Variants in GLB1L2 observed in about 807,000 individuals in gnomAD.
GLB1L2 encodes the protein galactosidase beta 1 like 2, also known as beta-galactosidase-1-like protein 2.
In GLB1L2, 68 loss-of-function variants were observed where a neutral mutation model predicts 84.1. That is an observed-to-expected ratio of 0.81 (90% CI 0.67 to 0.99). GLB1L2 has a LOEUF of 0.99. GLB1L2 is among the 50% of genes least tolerant of loss of function. GLB1L2 has a pLI of 0.00. For synonymous variants in GLB1L2, 290 were observed against 318.0 expected (o/e 0.91, Z 0.94); for missense variants, 762 against 805.6 (o/e 0.95, Z 0.66).
chr11:134,342,559 C>G (rs1170312441), intron 1 of GLB1L2, among the ~76,000 whole-genome samples, 195 bp from the exon 2 acceptor site: 1 of 152,212 alleles, frequency 6.6e-6, no homozygotes, highest in Non-Finnish European at 1.5e-5. Context: ...CTCGGCCTGC[C>G]CTTCCCCTGC....
intron 18 of GLB1L2, 49 bp downstream of exon 18, chr11:134,374,767 G>A: frequency 6.8e-7 from 1 of 1,473,674 alleles, no homozygotes; most frequent in Non-Finnish European, 9.5e-7. Context: ...CTGCCCACCT[G>A]CCGTCCCAGG....
chr11:134,366,742 TG>T (rs1203517431), intron 8 of GLB1L2, among the ~76,000 whole-genome samples: 2 of 152,130 alleles, frequency 1.3e-5, no homozygotes, highest in African/African-American at 4.8e-5. Context: ...TGTAAGGCCC[TG>T]ATTTTCTGGT....
chr11:134,350,161 G>C (rs1943606675), intron 5 of GLB1L2, among the ~76,000 whole-genome samples: 1 of 152,188 alleles, frequency 6.6e-6, no homozygotes, highest in South Asian at 2.1e-4. Flanking sequence ...TAGTACACTG[G>C]CTGTAAGCTC....
chr11:134,358,963 CCTT>C (rs1416931705), intron 6 of GLB1L2, 94 bp from the exon 7 acceptor site: 2 of 807,098 alleles, frequency 2.5e-6, no homozygotes, highest in Non-Finnish European at 3.9e-6. Flanking sequence ...TGTCATCTCT[CCTT>C]CTAGCTCTTC....
At chr11:134,335,229 C>CTTA (rs1943365674) in intron 1 of GLB1L2, among the ~76,000 whole-genome samples, 1 of 148,910 alleles carries the variant, frequency 6.7e-6, no homozygotes, top group East Asian at 2.0e-4. Flanking sequence ...ATGCAGGTCA[C>CTTA]TTTTTTTTTT....
chr11:134,334,714 A>G lies in GLB1L2; in HGVS notation c.86+2567A>G, dbSNP rs906898911. Reference sequence around the variant, plus strand: ...GATCTGTTGCTTTCCGACACGATATATTGGTTTGCATTTTCTAGTGTTTTA... The same window carrying G: ...GATCTGTTGCTTTCCGACACGATATGTTGGTTTGCATTTTCTAGTGTTTTA... On this transcript the variant is annotated intron_variant, in intron 1 of 18. Transcript: ENST00000535456. The surrounding 1 kb of genome is among the most constrained non-coding windows in gnomAD (Gnocchi z 4.1). 1.3e-5 allele frequency among the ~76,000 whole-genome samples: 2 copies of G among 151,968 alleles called. No individual in the cohort carries two copies. The highest frequency in any genetic ancestry group is 4.8e-5 in the African/African-American group (2 of 41,334).
At chr11:134,347,540 G>A (rs956204116) in intron 5 of GLB1L2, 107 bp downstream of exon 5, 25 of 768,526 alleles carry the variant, frequency 3.3e-5, no homozygotes, top group South Asian at 1.6e-4. Context: ...TTGAACACAC[G>A]AGCAGGCTCT....
At position 134,345,437 on chromosome 11, in the gene GLB1L2, C is replaced by T. The variant is rs574956650; in HGVS notation, c.449+308C>T. ...TGAGTCCTGGCAGGTCATTCACCTG[C>T]GTGTCTGCAGTATGGGAAAAATCCG... is the stretch of plus-strand genomic sequence containing the variant. On this transcript the variant is annotated intron_variant, in intron 4 of 18. Coordinates refer to ENST00000535456, the MANE Select transcript of GLB1L2 (RefSeq NM_001370461.1). Among the ~76,000 whole-genome samples, 19 of 152,288 alleles carry T rather than the reference C, an allele frequency of 1.2e-4. No individual in the cohort carries two copies. The South Asian group carries it at 2.9e-3, about 23-fold the overall frequency.
At chr11:134,333,929 C>T (rs1039432973) in intron 1 of GLB1L2, among the ~76,000 whole-genome samples, 7 of 152,138 alleles carry the variant, frequency 4.6e-5, no homozygotes, top group South Asian at 2.1e-4. Flanking sequence ...AGTTCAGGGC[C>T]GTGTCTTCAG....
intron 7 of GLB1L2, among the ~76,000 whole-genome samples, chr11:134,363,145 G>T (rs1943820042): frequency 6.6e-6 from 1 of 152,214 alleles, no homozygotes; most frequent in Admixed American, 6.5e-5. Context: ...GGCTTGAGGG[G>T]AGGGGTCTGG....
At chr11:134,340,684 A>G in intron 1 of GLB1L2, among the ~76,000 whole-genome samples, 1 of 152,226 alleles carries the variant, frequency 6.6e-6, no homozygotes, top group East Asian at 1.9e-4. Context: ...TTTCTGGGAG[A>G]GGGCAGATCG....
At chr11:134,356,414 T>G in intron 6 of GLB1L2, 21 bp downstream of exon 6, 1 of 1,540,492 alleles carries the variant, frequency 6.5e-7, no homozygotes. Context: ...TCTTAGTGCG[T>G]TTCTTTAGAT....
Position 134,371,456 on chromosome 11 carries a change from C to A in GLB1L2, c.1392C>A (p.Asp464Glu). The A allele has an allele frequency of 6.2e-7, 1 of 1,601,900 alleles. No individual in the cohort carries two copies. Among genetic ancestry groups the A allele is most frequent in the Non-Finnish European group, 8.6e-7 (1 of 1,168,812 alleles). Residue 464 changes from aspartate (D) to glutamate (E), a missense_variant, in exon 14 of 19, where the codon GAC (aspartate) becomes GAA (glutamate). This residue lies in a region of GLB1L2 where 603 missense variants were observed against 611.7 expected (regional missense o/e 0.99). Coordinates refer to ENST00000535456, the MANE Select transcript of GLB1L2 (RefSeq NM_001370461.1). ...ACACAGTATCCATAGGATTCTTGGA[C>A]TACAAGACAACGAAGATTGCTGTCC... ...FVNTVSIGFL[D>E]YKTTKIAVPL... is the part of the protein sequence containing the mutation.
At chr11:134,374,774 C>T (rs1371195346) in intron 18 of GLB1L2, 56 bp downstream of exon 18, 12 of 1,445,830 alleles carry the variant, frequency 8.3e-6, no homozygotes, top group Non-Finnish European at 1.2e-5. Flanking sequence ...CCTGCCGTCC[C>T]AGGGAGCCTT....
Position 134,356,299 on chromosome 11 carries a change from A to G in GLB1L2, c.559-2A>G, listed in dbSNP as rs766277755. The G allele has an allele frequency of 6.2e-7, 1 of 1,613,370 alleles. No individual in the cohort carries two copies. The highest frequency in any genetic ancestry group is 1.1e-5 in the South Asian group (1 of 91,064). On this transcript the variant is annotated splice_acceptor_variant, in intron 5 of 18. Transcript: ENST00000535456. LOFTEE classifies it high-confidence loss of function. The stretch of plus-strand genomic sequence containing the variant: ...TCCTGGTTTTCTGTCTTTTCTCCGC[A>G]GTACAAGCGTGGGGGACCTATCATT...
Position 134,334,179 on chromosome 11 carries a change from G to A in GLB1L2, c.86+2032G>A, listed in dbSNP as rs923223978. Among the ~76,000 whole-genome samples, 6 of 152,160 alleles carry A rather than the reference G, an allele frequency of 3.9e-5. No individual in the cohort carries two copies. Among genetic ancestry groups the A allele is most frequent in the African/African-American group, 1.4e-4 (6 of 41,436 alleles). ...CCTCTCCCAGCTGTTACTGGGCAGT[G>A]TTGAGGTGGCCAGTGGAATATAGGT... On this transcript the variant is annotated intron_variant, in intron 1 of 18. Coordinates refer to ENST00000535456, the MANE Select transcript of GLB1L2 (RefSeq NM_001370461.1). This position sits in a 1 kb window ranked among gnomAD's most constrained non-coding sequence, Gnocchi z 4.1.
intron 6 of GLB1L2, 48 bp from the exon 7 acceptor site, chr11:134,359,012 G>A: frequency 1.4e-6 from 2 of 1,385,224 alleles, no homozygotes; most frequent in African/African-American, 1.4e-5. Context: ...CACTGCAGAA[G>A]CTCTAAGGAG....
chr11:134,371,378 C>CCT (rs760783179), intron 13 of GLB1L2, 43 bp from the exon 14 acceptor site: 1 of 1,314,646 alleles, frequency 7.6e-7, no homozygotes, highest in Non-Finnish European at 1.1e-6. Flanking sequence ...CGCTTACCCT[C>CCT]CTCCTGTTGG....
At chr11:134,341,442 C>T (rs1377864316) in intron 1 of GLB1L2, among the ~76,000 whole-genome samples, 1 of 152,174 alleles carries the variant, frequency 6.6e-6, no homozygotes, top group Admixed American at 6.5e-5. Flanking sequence ...TTCCAGCTAG[C>T]GTTTTTGCTG....
Sources: gnomAD v4.1 joint callset for allele counts (sites outside exome capture counted in the v4.1 genomes callset) on GRCh38, gnomAD v4.1.1 for gene constraint, gnomAD v4.1.1 regional missense constraint, Gnocchi (gnomAD v3.1) non-coding constraint, MANE v1.5 for transcripts, NCBI Gene and HGNC (gene_info 2026-07-23, HGNC 2026-07-21) for gene names.